The following MUC5AC variants were observed in gnomAD, a reference collection of about 807,000 sequenced individuals.
The protein encoded by MUC5AC is mucin-5AC.
In MUC5AC, 158 loss-of-function variants were observed where a neutral mutation model predicts 169.7. That is an observed-to-expected ratio of 0.93 (90% CI 0.82 to 1.06). The LOEUF (loss-of-function observed/expected upper bound fraction) is 1.06, where lower values mean the gene tolerates loss of function less well. MUC5AC is among the 50% of genes least tolerant of loss of function. The pLI, the probability that MUC5AC is intolerant of heterozygous loss-of-function variation, is 0.00. For synonymous variants in MUC5AC, 1,975 were observed against 1,237.0 expected (o/e 1.60, Z -12.52); for missense variants, 4,359 against 3,089.9 (o/e 1.41, Z -9.74).
chr11:1,163,836 G>A (rs774958984), intron 6 of MUC5AC, 46 bp from the exon 7 acceptor site: 21 of 1,470,498 alleles, frequency 1.4e-5, no homozygotes, highest in South Asian at 7.2e-5. Flanking sequence ...CTGGGCTGAC[G>A]GGTACCGGGA....
chr11:1,191,545 C>G lies in MUC5AC; in HGVS notation c.13400C>G (p.Ser4467Cys). 2 of 647,880 alleles carry G rather than the reference C, an allele frequency of 3.1e-6. No homozygotes were observed. The highest frequency in any genetic ancestry group is 5.7e-6 in the Non-Finnish European group (2 of 353,784). 40.1% of individuals were successfully genotyped at this position (647,880 alleles called of 1,614,324 possible). A position where few individuals can be genotyped will look rare whatever the true frequency, so the allele number is the denominator to read the frequency against. The change falls in exon 31 of 49, where the codon TCT becomes TGT. Residue 4467 changes from serine to cysteine, a missense_variant. Coordinates refer to ENST00000621226, the MANE Select transcript of MUC5AC (RefSeq NM_001304359.2). ...TISLPTTSTTSAPITSMTSGP... is the reference protein window; with the variant it reads ...TISLPTTSTTCAPITSMTSGP... ...TCTCTCCCTACAACCAGCACAACCT[C>G]TGCTCCTATAACCAGCATGACCTCT...
At chr11:1,163,786 A>G in intron 6 of MUC5AC, 96 bp from the exon 7 acceptor site, 1 of 969,978 alleles carries the variant, frequency 1.0e-6, no homozygotes, top group Non-Finnish European at 1.6e-6. Context: ...TTCTAACCCC[A>G]CCCCAGGGAC....
chr11:1,168,144 G>T (rs1181229171), intron 12 of MUC5AC, among the ~76,000 whole-genome samples, 157 bp downstream of exon 12: 1 of 152,180 alleles, frequency 6.6e-6, no homozygotes, highest in Non-Finnish European at 1.5e-5. Context: ...GGGTCCACGT[G>T]ACTGTCCCTA....
Position 1,189,337 on chromosome 11 carries a change from C to T in MUC5AC, c.11192C>T (p.Ala3731Val), listed in dbSNP as rs1335195648. The T allele has an allele frequency of 1.1e-5, 6 of 570,934 alleles. No individual in the cohort carries two copies. The highest frequency in any genetic ancestry group is 1.9e-5 in the Non-Finnish European group (6 of 322,484). The allele number at this position is 570,934 out of a possible 1,614,324, so 35.4% of individuals were successfully genotyped here. A position where few individuals can be genotyped will look rare whatever the true frequency, so the allele number is the denominator to read the frequency against. ...SSAPTSSTTS[A>V]PTTSTISAPT... The stretch of plus-strand genomic sequence containing the variant: ...GCCCCTACAAGCAGCACAACCTCGG[C>T]TCCTACCACCAGCACAATCTCTGCC... The change falls in exon 31 of 49, where the codon GCT becomes GTT. Residue 3731 changes from alanine (A) to valine (V), a missense_variant. By Grantham distance (64) the Ala-to-Val change is moderately conservative. Transcript: ENST00000621226.
In MUC5AC at chr11:1,193,523, C is replaced by T. The variant is rs1433533812; in HGVS notation, c.14619C>T (p.Ala4873=). The part of the protein sequence containing the change: ...ETWATPNCSE[A]TCEGNNVISL... ...GGGCCACACCCAACTGCTCCGAGGC[C>T]ACCTGTGAGGGCAACAACGTCATCT... is the stretch of plus-strand genomic sequence containing the variant. Residue 4873 remains alanine, a synonymous_variant, in exon 33 of 49, where the codon GCC becomes GCT. Transcript: ENST00000621226. The T allele has an allele frequency of 2.6e-6, 2 of 758,400 alleles. No individual in the cohort carries two copies. Among genetic ancestry groups the T allele is most frequent in the Non-Finnish European group, 2.4e-6 (1 of 415,108 alleles). The allele number at this position is 758,400 out of a possible 1,614,324, so 47.0% of individuals were successfully genotyped here.
In MUC5AC at chr11:1,185,545, G is replaced by A. The variant is rs1175729334; in HGVS notation, c.7400G>A (p.Arg2467Lys). ...AGCACAACCTCTGCCCCTACAACAA[G>A]AACAACTTCTGCTCCTAAAAGCAGC... ...TTSTTSAPTTRTTSAPKSSTT... is the reference protein window; with the variant it reads ...TTSTTSAPTTKTTSAPKSSTT... The change falls in exon 31 of 49, where the codon AGA (arginine) becomes AAA (lysine). Residue 2467 changes from arginine to lysine, a missense_variant. By Grantham distance (26) the Arg-to-Lys change is conservative. Coordinates refer to ENST00000621226, the MANE Select transcript of MUC5AC (RefSeq NM_001304359.2). 4 of 720,604 alleles carry A rather than the reference G, an allele frequency of 5.6e-6. No individual in the cohort carries two copies. In the Admixed American group the frequency reaches 7.7e-5, roughly 14 times the overall value. 44.6% of individuals were successfully genotyped at this position (720,604 alleles called of 1,614,324 possible).
Position 1,190,309 on chromosome 11 carries a change from A to C in MUC5AC, c.12164A>C (p.Lys4055Thr). Residue 4055 changes from lysine (K) to threonine (T), a missense_variant, in exon 31 of 49, where the codon AAA (lysine) becomes ACA (threonine). Coordinates refer to ENST00000621226, the MANE Select transcript of MUC5AC (RefSeq NM_001304359.2). ...CGTGTGCTCTGCTGCGAGACCCCCA[A>C]AGGCTGCCCCGTGACCTCCACACCT... is the stretch of plus-strand genomic sequence containing the variant. Reference protein sequence around the residue: ...EVRVLCCETPKGCPVTSTPVT... With the variant: ...EVRVLCCETPTGCPVTSTPVT... 4.4e-6 allele frequency: 3 copies of C among 683,026 alleles called. No individual in the cohort carries two copies. The allele number at this position is 683,026 out of a possible 1,614,324, so 42.3% of individuals were successfully genotyped here. A position where few individuals can be genotyped will look rare whatever the true frequency, so the allele number is the denominator to read the frequency against.
At chr11:1,165,586 G>A in intron 10 of MUC5AC, 36 bp from the exon 11 acceptor site, 1 of 1,609,094 alleles carries the variant, frequency 6.2e-7, no homozygotes. Flanking sequence ...GGTCTCCTGG[G>A]GCCGGCACCC....
chr11:1,161,975 G>C lies in MUC5AC; in HGVS notation c.280G>C (p.Gly94Arg), dbSNP rs1348118010. Residue 94 changes from glycine to arginine, a missense_variant, in exon 4 of 49, where the codon GGC becomes CGC. Coordinates refer to ENST00000621226, the MANE Select transcript of MUC5AC (RefSeq NM_001304359.2). ...WGSFHYKTFD[G>R]DVFRFPGLCN... ...CAGCTTCCACTACAAGACCTTCGAC[G>C]GCGACGTCTTCCGCTTCCCCGGCCT... 1 of 1,612,352 alleles carries C rather than the reference G, an allele frequency of 6.2e-7. No individual in the cohort carries two copies. Among genetic ancestry groups the C allele is most frequent in the Admixed American group, 1.7e-5 (1 of 59,924 alleles).
In MUC5AC at chr11:1,186,784, C is replaced by A. The variant is rs1437360427; in HGVS notation, c.8639C>A (p.Pro2880His). Residue 2880 changes from proline (P) to histidine (H), a missense_variant, in exon 31 of 49, where the codon CCT becomes CAT. Transcript: ENST00000621226. ...GCTACAACCAGCACAACCTCTGGCC[C>A]TGGAACTACTCCCAGCCCTGTTCCC... ...STATTSTTSG[P>H]GTTPSPVPTT... 6.7e-6 allele frequency: 5 copies of A among 741,936 alleles called. No individual in the cohort carries two copies. Among genetic ancestry groups the A allele is most frequent in the Non-Finnish European group, 9.8e-6 (4 of 406,280 alleles). 46.0% of individuals were successfully genotyped at this position (741,936 alleles called of 1,614,324 possible). A position where few individuals can be genotyped will look rare whatever the true frequency, so the allele number is the denominator to read the frequency against.
intron 11 of MUC5AC, 22 bp downstream of exon 11, chr11:1,165,782 T>C: frequency 6.2e-7 from 1 of 1,610,504 alleles, no homozygotes; most frequent in Admixed American, 1.7e-5. Context: ...CTGCCTGGGG[T>C]GCTCGCCGGA....
In MUC5AC at chr11:1,176,732, C is replaced by T. The variant is rs1590141505; in HGVS notation, c.2654+67C>T. 16 of 398,582 alleles carry T rather than the reference C, an allele frequency of 4.0e-5. No homozygotes were observed. The South Asian group carries it at 6.4e-4, about 16-fold the overall frequency. The allele number at this position is 398,582 out of a possible 1,614,324, so 24.7% of individuals were successfully genotyped here. Reference sequence around the variant, plus strand: ...GGAAACCAGAGGCCCTCCTTAAAGACGGGCGAGCCCCCAGCACAGGGGTCC... The same window carrying T: ...GGAAACCAGAGGCCCTCCTTAAAGATGGGCGAGCCCCCAGCACAGGGGTCC... On this transcript the variant is annotated intron_variant, in intron 21 of 48. Transcript: ENST00000621226.
intron 1 of MUC5AC, 99 bp from the exon 2 acceptor site, chr11:1,160,513 G>A: frequency 2.9e-6 from 3 of 1,041,866 alleles, no homozygotes; most frequent in Non-Finnish European, 4.3e-6. Context: ...ACGCACTGTG[G>A]CCTCCCGTCC....
chr11:1,178,981 C>T (rs879245370), intron 25 of MUC5AC, 111 bp from the exon 26 acceptor site: 72,449 of 423,524 alleles, frequency 0.17, 6,864 homozygotes, highest in Non-Finnish European at 0.19. Flanking sequence ...TTCGCCCTCC[C>T]TGAGCTCCAC....
intron 19 of MUC5AC, 46 bp downstream of exon 19, chr11:1,175,316 C>T: frequency 2.5e-6 from 1 of 398,586 alleles, no homozygotes; most frequent in Non-Finnish European, 4.4e-6. Context: ...CTCCTCATCT[C>T]TATAAGAAAT....
At position 1,186,670 on chromosome 11, in the gene MUC5AC, C is replaced by G. The variant is rs1315493324; in HGVS notation, c.8525C>G (p.Thr2842Ser). Residue 2842 changes from threonine (T) to serine (S), a missense_variant, in exon 31 of 49, where the codon ACC (threonine) becomes AGC (serine). By Grantham distance (58) the Thr-to-Ser change is moderately conservative (BLOSUM62 1). Coordinates refer to ENST00000621226, the MANE Select transcript of MUC5AC (RefSeq NM_001304359.2). ...ACTACTTCAAGCCCTGTTCCCACCA[C>G]CAGCACAACCTCTGCCCCTACAACC... ...PGTTSSPVPTTSTTSAPTTST... is the reference protein window; with the variant it reads ...PGTTSSPVPTSSTTSAPTTST... 1 of 741,722 alleles carries G rather than the reference C, an allele frequency of 1.3e-6. No homozygotes were observed. Among genetic ancestry groups the G allele is most frequent in the African/African-American group, 1.7e-5 (1 of 58,374 alleles). 45.9% of individuals were successfully genotyped at this position (741,722 alleles called of 1,614,324 possible). A position where few individuals can be genotyped will look rare whatever the true frequency, so the allele number is the denominator to read the frequency against.
chr11:1,190,969 C>A lies in MUC5AC; in HGVS notation c.12824C>A (p.Ser4275Tyr). The stretch of plus-strand genomic sequence containing the variant: ...TCTGCTGCTACAACCAGCACAACCT[C>A]TGCTCCTACAACCAGAACAACATCT... Reference protein sequence around the residue: ...TTSAATTSTTSAPTTRTTSAP... With the variant: ...TTSAATTSTTYAPTTRTTSAP... Residue 4275 changes from serine (S) to tyrosine (Y), a missense_variant, in exon 31 of 49, where the codon TCT becomes TAT. By Grantham distance (144) the Ser-to-Tyr change is moderately radical. Coordinates refer to ENST00000621226, the MANE Select transcript of MUC5AC (RefSeq NM_001304359.2). 1 of 742,970 alleles carries A rather than the reference C, an allele frequency of 1.3e-6. No individual in the cohort carries two copies. The allele number at this position is 742,970 out of a possible 1,614,324, so 46.0% of individuals were successfully genotyped here.
rs1269199575 is a variant in MUC5AC at position 1,179,184 on chromosome 11, C to T, written c.3420C>T (p.Ala1140=). ...GCGAGTGCTTCTGCACGGCTGTGGC[C>T]GCCTACGCCCAGGCCTGCCATGAAG... ...GDCECFCTAV[A]AYAQACHEVG... The change falls in exon 26 of 49, where the codon GCC becomes GCT. Residue 1140 remains alanine, a synonymous_variant. Coordinates refer to ENST00000621226, the MANE Select transcript of MUC5AC (RefSeq NM_001304359.2). The T allele has an allele frequency of 2.6e-5, 18 of 681,008 alleles. No homozygotes were observed. Among genetic ancestry groups the T allele is most frequent in the Middle Eastern group, 5.4e-4 (2 of 3,724 alleles). 42.2% of individuals were successfully genotyped at this position (681,008 alleles called of 1,614,324 possible). A position where few individuals can be genotyped will look rare whatever the true frequency, so the allele number is the denominator to read the frequency against.
intron 32 of MUC5AC, 142 bp downstream of exon 32, chr11:1,193,124 A>C (rs35705491): frequency 1.7e-6 from 1 of 593,430 alleles, no homozygotes; most frequent in Non-Finnish European, 3.0e-6. Flanking sequence ...GGAGAGGGCC[A>C]TGCTGTAGCC....
Sources: allele counts gnomAD v4.1 joint callset (sites outside exome capture counted in the v4.1 genomes callset), GRCh38; gene constraint gnomAD v4.1.1; transcripts MANE v1.5; gene names NCBI Gene and HGNC (gene_info 2026-07-23, HGNC 2026-07-21).